TMTC2: variants seen among roughly 807,000 people sequenced by gnomAD.
The protein encoded by TMTC2 is transmembrane O-mannosyltransferase targeting cadherins 2.
TMTC2 carries 43 observed loss-of-function variants against 82.4 expected under a neutral mutation model. The observed-to-expected ratio is 0.52, with a 90% confidence interval of 0.41 to 0.67. The LOEUF (loss-of-function observed/expected upper bound fraction) is 0.67, where lower values mean the gene tolerates loss of function less well. Among genes scored for constraint, TMTC2 ranks in the 30% least tolerant of loss-of-function variants. TMTC2 has a pLI of 0.00. For missense variants in TMTC2, 919 were observed against 1,012.4 expected (o/e 0.91, Z 1.25); for synonymous variants, 408 against 381.9 (o/e 1.07, Z -0.80).
chr12:82,980,436 C>G (rs918347084), intron 7 of TMTC2, among the ~76,000 whole-genome samples: 6 of 151,678 alleles, frequency 4.0e-5, no homozygotes, highest in African/African-American at 1.4e-4. Context: ...TTCTCAAACT[C>G]CATGGAGAGA....
At chr12:82,967,104 C>A in intron 7 of TMTC2, 107 bp downstream of exon 7, 2 of 811,872 alleles carry the variant, frequency 2.5e-6, no homozygotes, top group Non-Finnish European at 3.8e-6. Flanking sequence ...TTAATCCTCA[C>A]AAAAGAAACG....
In TMTC2 at chr12:82,817,535, G is replaced by A. The variant is rs189694964; in HGVS notation, c.84-39475G>A. Among the ~76,000 whole-genome samples the A allele has an allele frequency of 5.3e-5, 8 of 152,052 alleles. No individual in the cohort carries two copies. In the East Asian group the frequency reaches 1.5e-3, roughly 29 times the overall value. ...CTGCTGTTAAAATCTGTTGCCCTTG[G>A]CAAAGGAATAAAAGGATCACTTTGT... On this transcript the variant is annotated intron_variant, in intron 1 of 11. Transcript: ENST00000321196.
At chr12:83,045,066 G>A (rs1251169104) in intron 9 of TMTC2, among the ~76,000 whole-genome samples, 1 of 152,144 alleles carries the variant, frequency 6.6e-6, no homozygotes, top group African/African-American at 2.4e-5. Context: ...TACTTTAAAT[G>A]GTTCAGTGAG....
chr12:82,802,991 T>A (rs935236039), intron 1 of TMTC2, among the ~76,000 whole-genome samples: 1 of 152,160 alleles, frequency 6.6e-6, no homozygotes, highest in African/African-American at 2.4e-5. Flanking sequence ...TGACAAGATG[T>A]GTGACATATT....
At chr12:82,917,023 T>A (rs1420608913) in intron 3 of TMTC2, among the ~76,000 whole-genome samples, 1 of 152,150 alleles carries the variant, frequency 6.6e-6, no homozygotes, top group East Asian at 1.9e-4. Context: ...GTATAATTTC[T>A]TCAGAAAAAA....
intron 11 of TMTC2, among the ~76,000 whole-genome samples, chr12:83,067,108 G>T (rs1882947084): frequency 6.6e-6 from 1 of 151,960 alleles, no homozygotes; most frequent in African/African-American, 2.4e-5. Context: ...AGGCAGCCAA[G>T]ACAGTGACAG....
chr12:82,718,284 T>C (rs1331618432), intron 1 of TMTC2, among the ~76,000 whole-genome samples: 2 of 152,242 alleles, frequency 1.3e-5, no homozygotes, highest in Non-Finnish European at 2.9e-5. Context: ...CCATCTATTC[T>C]TTCACATTGC....
intron 8 of TMTC2, among the ~76,000 whole-genome samples, chr12:83,029,178 G>C (rs1881313839): frequency 6.6e-6 from 1 of 152,096 alleles, no homozygotes; most frequent in Non-Finnish European, 1.5e-5. Context: ...AGGGAGTATG[G>C]AGAAAAGAGT....
chr12:82,953,296 A>G (rs1219442098), intron 4 of TMTC2, among the ~76,000 whole-genome samples: 1 of 152,210 alleles, frequency 6.6e-6, no homozygotes, highest in Admixed American at 6.5e-5. Flanking sequence ...TGGCTAGTGC[A>G]TATTAGTTAC....
chr12:82,860,292 A>G (rs1056592162), intron 2 of TMTC2, among the ~76,000 whole-genome samples: 3 of 151,950 alleles, frequency 2.0e-5, no homozygotes, highest in African/African-American at 7.3e-5. Context: ...ATTTTTAAGG[A>G]CCTGTAGGAT....
chr12:82,764,338 A>C (rs1292193453), intron 1 of TMTC2, among the ~76,000 whole-genome samples: 1 of 152,124 alleles, frequency 6.6e-6, no homozygotes, highest in African/African-American at 2.4e-5. Context: ...GGGTCTCGCT[A>C]TGTTGGCCAG....
chr12:83,115,337 G>C (rs886337605), intron 11 of TMTC2, among the ~76,000 whole-genome samples: 1 of 152,180 alleles, frequency 6.6e-6, no homozygotes, highest in Admixed American at 6.5e-5. Flanking sequence ...AAAAGATACT[G>C]TATGATTTTG....
intron 11 of TMTC2, among the ~76,000 whole-genome samples, chr12:83,085,905 T>C (rs1883638242): frequency 6.6e-6 from 1 of 152,220 alleles, no homozygotes; most frequent in South Asian, 2.1e-4. Flanking sequence ...CTATCTCCTG[T>C]CATGGACCTT....
intron 9 of TMTC2, among the ~76,000 whole-genome samples, chr12:83,031,863 T>C (rs979608457): frequency 7.2e-5 from 11 of 152,200 alleles, no homozygotes; most frequent in Non-Finnish European, 1.6e-4. Flanking sequence ...TGTGTCTATG[T>C]TTACAAACCT....
intron 1 of TMTC2, among the ~76,000 whole-genome samples, chr12:82,776,520 C>T (rs1877606827): frequency 6.6e-6 from 1 of 150,782 alleles, no homozygotes; most frequent in Non-Finnish European, 1.5e-5. Flanking sequence ...AATGTAATCT[C>T]AGCACTTTGG....
At chr12:82,698,904 A>AT (rs1169218195) in intron 1 of TMTC2, among the ~76,000 whole-genome samples, 9 of 152,152 alleles carry the variant, frequency 5.9e-5, no homozygotes, top group Non-Finnish European at 1.3e-4. Context: ...CCAAAGGATG[A>AT]TTCACATCCA....
At chr12:82,953,738 A>G (rs957996732) in intron 4 of TMTC2, among the ~76,000 whole-genome samples, 4 of 152,196 alleles carry the variant, frequency 2.6e-5, no homozygotes, top group Non-Finnish European at 4.4e-5. Flanking sequence ...AAGTTCAAAT[A>G]TGACTGCAAC....
chr12:82,984,405 A>T (rs1460235836), intron 7 of TMTC2, among the ~76,000 whole-genome samples: 5 of 152,118 alleles, frequency 3.3e-5, no homozygotes, highest in Non-Finnish European at 5.9e-5. Context: ...AGATCAAGAG[A>T]CTCAAACCAA....
chr12:82,763,686 A>C (rs925209053), intron 1 of TMTC2, among the ~76,000 whole-genome samples: 2 of 152,216 alleles, frequency 1.3e-5, no homozygotes, highest in Non-Finnish European at 2.9e-5. Flanking sequence ...AGAAAAAGAA[A>C]AACGTGACTT....
Sources: gnomAD v4.1 joint callset for allele counts (sites outside exome capture counted in the v4.1 genomes callset) on GRCh38, gnomAD v4.1.1 for gene constraint, MANE v1.5 for transcripts, NCBI Gene and HGNC (gene_info 2026-07-23, HGNC 2026-07-21) for gene names.